The following DCBLD2 variants were observed in gnomAD, a reference collection of about 807,000 sequenced individuals.
DCBLD2 encodes discoidin, CUB and LCCL domain-containing protein 2.
A neutral mutation model predicts 86.8 loss-of-function variants in DCBLD2; 54 were observed. That is an observed-to-expected ratio of 0.62 (90% CI 0.50 to 0.78). DCBLD2 has a LOEUF of 0.78. Ranked by LOEUF, DCBLD2 falls within the 30% of genes least tolerant of loss-of-function variation. The probability of loss-of-function intolerance (pLI) is 0.00; values close to 1 mark genes in which losing one functional copy is unlikely to be tolerated. For missense variants in DCBLD2, 908 were observed against 954.2 expected, an observed-to-expected ratio of 0.95 and a Z score of 0.64; for synonymous variants, 354 against 341.3, an observed-to-expected ratio of 1.04 and a Z score of -0.41.
intron 3 of DCBLD2, among the ~76,000 whole-genome samples, chr3:98,837,807 G>A (rs1942500170): frequency 1.5e-5 from 2 of 135,684 alleles, no homozygotes; most frequent in African/African-American, 5.8e-5. Flanking sequence ...GGGGCGGCTG[G>A]CCGGGCGGAG....
chr3:98,880,952 T>C (rs1161785102), intron 2 of DCBLD2, among the ~76,000 whole-genome samples: 1 of 152,030 alleles, frequency 6.6e-6, no homozygotes, highest in Non-Finnish European at 1.5e-5. Context: ...TTTTTAAAAA[T>C]GAGATAATTG....
intron 6 of DCBLD2, chr3:98,822,015 C>T: frequency 1.6e-6 from 1 of 622,498 alleles, no homozygotes; most frequent in Non-Finnish European, 2.9e-6. Context: ...CACTGCACTC[C>T]AGCCTGGGCA....
rs753899342 is a variant in DCBLD2 at position 98,849,441 on chromosome 3, T to C, written c.571+20A>G. On this transcript the variant is annotated intron_variant, in intron 3 of 15. Transcript: ENST00000326840. ...TAGAAATTACAAACTGTAGGAACCA[T>C]TGCAAAAGGTGAAAATTACCTTGTT... The C allele has an allele frequency of 8.7e-6, 14 of 1,613,798 alleles. No homozygotes were observed. The highest frequency in any genetic ancestry group is 6.7e-5 in the Admixed American group (4 of 59,990).
chr3:98,898,050 A>G (rs1943781966), intron 1 of DCBLD2, among the ~76,000 whole-genome samples: 1 of 152,114 alleles, frequency 6.6e-6, no homozygotes, highest in Non-Finnish European at 1.5e-5. Flanking sequence ...CTTCAATAAA[A>G]AAGATTTCGA....
intron 9 of DCBLD2, chr3:98,814,704 C>T (rs1186680006): frequency 6.6e-6 from 1 of 152,166 alleles, no homozygotes; most frequent in Non-Finnish European, 1.5e-5. Context: ...AAAATGAATA[C>T]ACCAATTACC....
At chr3:98,833,788 G>GT (rs1942369462) in intron 3 of DCBLD2, among the ~76,000 whole-genome samples, 1 of 152,220 alleles carries the variant, frequency 6.6e-6, no homozygotes, top group South Asian at 2.1e-4. Flanking sequence ...AACAGCAAAG[G>GT]TGAGGGCTGC....
At chr3:98,858,824 C>T (rs1375416141) in intron 2 of DCBLD2, among the ~76,000 whole-genome samples, 1 of 152,130 alleles carries the variant, frequency 6.6e-6, no homozygotes, top group African/African-American at 2.4e-5. Context: ...GTTCTGGGTC[C>T]TCCGTTCCAA....
At position 98,799,579 on chromosome 3, in the gene DCBLD2, T is replaced by C. The variant is rs1024222463; in HGVS notation, c.2121A>G (p.Gln707=). ...TGTAAGTTCCCACTAGTGGGGGAGGTTGGTTCCCCGTAGCCTTGAAAGTGG... is the reference window on the plus strand; with the variant it reads ...TGTAAGTTCCCACTAGTGGGGGAGGCTGGTTCCCCGTAGCCTTGAAAGTGG... The part of the protein sequence containing the change: ...STSTFKATGN[Q]PPPLVGTYNT... The change falls in exon 16 of 16, where the codon CAA becomes CAG. Residue 707 remains glutamine, a synonymous_variant. Coordinates refer to ENST00000326840, the MANE Select transcript of DCBLD2 (RefSeq NM_080927.4). 1 of 1,613,608 alleles carries C rather than the reference T, an allele frequency of 6.2e-7. No individual in the cohort carries two copies. Among genetic ancestry groups the C allele is most frequent in the African/African-American group, 1.3e-5 (1 of 74,822 alleles).
intron 1 of DCBLD2, among the ~76,000 whole-genome samples, chr3:98,884,569 T>C (rs1943526347): frequency 6.6e-6 from 1 of 152,086 alleles, no homozygotes; most frequent in Non-Finnish European, 1.5e-5. Flanking sequence ...ACATTTTTCC[T>C]CAGAGGAAAA....
chr3:98,893,898 A>G (rs770228319), intron 1 of DCBLD2, among the ~76,000 whole-genome samples: 2 of 152,230 alleles, frequency 1.3e-5, no homozygotes, highest in Non-Finnish European at 2.9e-5. Flanking sequence ...AAAGTGAGAT[A>G]GTCTGCTAAG....
Position 98,849,534 on chromosome 3 carries a change from T to A in DCBLD2, c.498A>T (p.Thr166=), listed in dbSNP as rs768120325. Residue 166 remains threonine (T), a synonymous_variant, in exon 3 of 16, where the codon ACA becomes ACT. Transcript: ENST00000326840. The part of the protein sequence containing the change: ...HSIESKGNEI[T]LLFMSGIHVS... Reference sequence around the variant, plus strand: ...CATGGATTCCACTCATGAACAGCAATGTGATTTCATTGCCTTTTGATTCAA... The same window carrying A: ...CATGGATTCCACTCATGAACAGCAAAGTGATTTCATTGCCTTTTGATTCAA... The A allele has an allele frequency of 6.2e-6, 10 of 1,613,772 alleles. No individual in the cohort carries two copies. In the South Asian group the frequency reaches 1.1e-4, roughly 18 times the overall value.
At chr3:98,846,742 C>T (rs1942732111) in intron 3 of DCBLD2, among the ~76,000 whole-genome samples, 1 of 152,096 alleles carries the variant, frequency 6.6e-6, no homozygotes, top group Admixed American at 6.6e-5. Flanking sequence ...AAATTTGGTA[C>T]AGGTTTGTAA....
chr3:98,812,815 T>A (rs2107437266), intron 9 of DCBLD2: 1 of 161,188 alleles, frequency 6.2e-6, no homozygotes, highest in African/African-American at 2.4e-5. Context: ...GTAACTCTAG[T>A]CCTGTGGAAT....
At chr3:98,850,430 GTGGCC>G (rs143912142) in intron 2 of DCBLD2, among the ~76,000 whole-genome samples, 1 of 152,320 alleles carries the variant, frequency 6.6e-6, no homozygotes, top group Non-Finnish European at 1.5e-5. Flanking sequence ...TGGGCCGCAT[GTGGCC>G]TGCAGGCCAC....
At chr3:98,830,071 CCTG>C (rs1015938092) in intron 3 of DCBLD2, among the ~76,000 whole-genome samples, 107 of 152,192 alleles carry the variant, frequency 7.0e-4, no homozygotes, top group African/African-American at 2.4e-3. Context: ...ATGTTCTTTA[CCTG>C]CTTTTTAATG....
intron 9 of DCBLD2, chr3:98,812,812 T>C: frequency 6.1e-6 from 1 of 164,126 alleles, no homozygotes. Context: ...TCAGTAACTC[T>C]AGTCCTGTGG....
At chr3:98,893,759 A>C (rs1576208401) in intron 1 of DCBLD2, among the ~76,000 whole-genome samples, 1 of 152,212 alleles carries the variant, frequency 6.6e-6, no homozygotes, top group Non-Finnish European at 1.5e-5. Flanking sequence ...ATGCCAAAAC[A>C]AAATTCACAT....
At chr3:98,872,418 T>A (rs913537562) in intron 2 of DCBLD2, among the ~76,000 whole-genome samples, 1 of 152,174 alleles carries the variant, frequency 6.6e-6, no homozygotes, top group African/African-American at 2.4e-5. Flanking sequence ...CCTCCATGAG[T>A]TGAAGCAGCA....
intron 6 of DCBLD2, 73 bp from the exon 7 acceptor site, chr3:98,820,361 C>A: frequency 8.4e-7 from 1 of 1,192,898 alleles, no homozygotes; most frequent in South Asian, 2.6e-5. Context: ...GAAACATTTT[C>A]TTTTGATTTG....
Sources: gnomAD v4.1 joint callset for allele counts (sites outside exome capture counted in the v4.1 genomes callset) on GRCh38, gnomAD v4.1.1 for gene constraint, MANE v1.5 for transcripts, NCBI Gene and HGNC (gene_info 2026-07-23, HGNC 2026-07-21) for gene names.